DISP1: variants seen among roughly 807,000 people sequenced by gnomAD.
DISP1 encodes the protein protein dispatched homolog 1.
A neutral mutation model predicts 37.3 loss-of-function variants in DISP1; 30 were observed. That is an observed-to-expected ratio of 0.80 (90% CI 0.60 to 1.09). The LOEUF is 1.09. DISP1 is among the 50% of genes least tolerant of loss of function. The pLI is 0.00. For synonymous variants in DISP1, 634 were observed against 690.2 expected (o/e 0.92, Z 1.28); for missense variants, 1,598 against 1,879.5 (o/e 0.85, Z 2.77).
chr1:222,818,547 T>G (rs945389563), intron 1 of DISP1, among the ~76,000 whole-genome samples: 2 of 152,214 alleles, frequency 1.3e-5, no homozygotes, highest in African/African-American at 4.8e-5. Context: ...AAGAGATTTA[T>G]TTTAAGAAAT....
At chr1:222,823,973 T>C (rs1381030176) in intron 1 of DISP1, 1 of 151,956 alleles carries the variant, frequency 6.6e-6, no homozygotes, top group East Asian at 1.9e-4. Flanking sequence ...ACGTTTTTTC[T>C]CCCTCCAGGT....
chr1:222,969,606 G>A (rs1000247868), intron 3 of DISP1, among the ~76,000 whole-genome samples: 9 of 151,644 alleles, frequency 5.9e-5, no homozygotes, highest in African/African-American at 1.9e-4. Context: ...CAAATATAAT[G>A]GAACATGTGG....
intron 4 of DISP1, among the ~76,000 whole-genome samples, chr1:222,988,706 T>A (rs1252706238): frequency 1.4e-5 from 2 of 147,456 alleles, no homozygotes; most frequent in African/African-American, 5.0e-5. Flanking sequence ...CAGGCTGGAG[T>A]GCAGTGATAT....
rs1679645593 is a variant in DISP1, at chr1:223,003,552, T to C, written c.2155T>C (p.Tyr719His). 2 of 1,614,242 alleles carry C rather than the reference T, an allele frequency of 1.2e-6. No homozygotes were observed. Among genetic ancestry groups the C allele is most frequent in the Non-Finnish European group, 1.7e-6 (2 of 1,180,048 alleles). The change falls in exon 9 of 9, where the codon TAC (tyrosine) becomes CAC (histidine). Residue 719 changes from tyrosine (Y) to histidine (H), a missense_variant. Coordinates refer to ENST00000675850, the MANE Select transcript of DISP1 (RefSeq NM_001377229.1). This position sits in a 1 kb window ranked among gnomAD's most constrained non-coding sequence, Gnocchi z 4.3. The stretch of plus-strand genomic sequence containing the variant: ...GCCATGCATTGTCATTAAGTTTCGC[T>C]ACCTTTGGCTGTTTTGGTTCCTTGC... Reference protein sequence around the residue: ...VLPCIVIKFRYLWLFWFLALT... With the variant: ...VLPCIVIKFRHLWLFWFLALT...
intron 7 of DISP1, among the ~76,000 whole-genome samples, chr1:222,994,146 A>G (rs1357991789): frequency 1.3e-5 from 2 of 152,160 alleles, no homozygotes; most frequent in Non-Finnish European, 2.9e-5. Context: ...GCTATTTGAG[A>G]TAGATATTGC....
chr1:222,898,334 T>C (rs1245085470), intron 1 of DISP1, among the ~76,000 whole-genome samples: 2 of 152,124 alleles, frequency 1.3e-5, no homozygotes, highest in East Asian at 3.8e-4. Context: ...GGAACACAGT[T>C]ACTGAAGTAT....
intron 1 of DISP1, among the ~76,000 whole-genome samples, chr1:222,845,205 T>A (rs1323497895): frequency 1.3e-5 from 2 of 152,192 alleles, no homozygotes; most frequent in African/African-American, 2.4e-5. Flanking sequence ...TTAAAGAATA[T>A]TTAAATTAAT....
chr1:222,873,928 T>G (rs951837553), intron 1 of DISP1, among the ~76,000 whole-genome samples: 1 of 152,134 alleles, frequency 6.6e-6, no homozygotes, highest in Non-Finnish European at 1.5e-5. Flanking sequence ...TTCCTTTCCA[T>G]GTTTAGTGCT....
chr1:222,986,837 A>G (rs1002706922), intron 4 of DISP1, among the ~76,000 whole-genome samples: 3 of 152,160 alleles, frequency 2.0e-5, no homozygotes, highest in Non-Finnish European at 2.9e-5. Flanking sequence ...GAAAATGACT[A>G]CCTGCTGTAA....
At chr1:222,845,715 C>T (rs1010548101) in intron 1 of DISP1, among the ~76,000 whole-genome samples, 3 of 152,088 alleles carry the variant, frequency 2.0e-5, no homozygotes, top group Non-Finnish European at 1.5e-5. Context: ...TGTGTTTTGG[C>T]TCTATCTGTA....
intron 8 of DISP1, among the ~76,000 whole-genome samples, chr1:223,002,118 G>T (rs1679499365): frequency 1.3e-5 from 2 of 152,098 alleles, no homozygotes; most frequent in Non-Finnish European, 1.5e-5. Context: ...AACTAGCATT[G>T]GTTGAAGTTG....
chr1:222,963,582 G>T (rs1676225180), intron 3 of DISP1, among the ~76,000 whole-genome samples: 1 of 152,174 alleles, frequency 6.6e-6, no homozygotes, highest in Non-Finnish European at 1.5e-5. Context: ...ATACTATGCA[G>T]CCATTATAAG....
chr1:222,916,054 A>G (rs1672478662), intron 1 of DISP1, among the ~76,000 whole-genome samples: 1 of 152,194 alleles, frequency 6.6e-6, no homozygotes, highest in Non-Finnish European at 1.5e-5. Flanking sequence ...TTCACTTTAA[A>G]TATTTACCCT....
At chr1:222,944,679 C>A (rs1380572774) in intron 3 of DISP1, among the ~76,000 whole-genome samples, 4 of 152,308 alleles carry the variant, frequency 2.6e-5, no homozygotes, top group South Asian at 2.1e-4. Context: ...CTGCTGAGTT[C>A]TATTACTATA....
intron 3 of DISP1, among the ~76,000 whole-genome samples, chr1:222,953,455 C>G (rs2609378): frequency 0.84 from 128,003 of 152,146 alleles, 54,201 homozygotes; most frequent in Non-Finnish European, 0.89. Context: ...CTCACACCAT[C>G]AACCTATAGG....
chr1:222,910,156 G>C (rs1342525400), intron 1 of DISP1, among the ~76,000 whole-genome samples: 1 of 152,042 alleles, frequency 6.6e-6, no homozygotes, highest in Non-Finnish European at 1.5e-5. Flanking sequence ...TTGAGCGCAG[G>C]AGTTCAAGAC....
At chr1:222,862,161 C>T (rs1178997031) in intron 1 of DISP1, among the ~76,000 whole-genome samples, 2 of 152,112 alleles carry the variant, frequency 1.3e-5, no homozygotes, top group South Asian at 2.1e-4. Flanking sequence ...ATGAATTAAC[C>T]ATAGTGTTGC....
chr1:223,003,629 G>T lies in DISP1; in HGVS notation c.2232G>T (p.Leu744=). The T allele has an allele frequency of 6.2e-7, 1 of 1,614,168 alleles. No individual in the cohort carries two copies. The highest frequency in any genetic ancestry group is 1.3e-5 in the African/African-American group (1 of 75,040). The change falls in exon 9 of 9, where the codon CTG becomes CTT. Residue 744 remains leucine, a synonymous_variant. Coordinates refer to ENST00000675850, the MANE Select transcript of DISP1 (RefSeq NM_001377229.1). This position sits in a 1 kb window ranked among gnomAD's most constrained non-coding sequence, Gnocchi z 4.3. ...YIVCINPKMK[L]PSLELSEFQV... ...TATGTATAAATCCAAAGATGAAACT[G>T]CCCTCACTGGAGTTATCCGAGTTCC...
At chr1:222,895,960 T>G (rs1041817402) in intron 1 of DISP1, among the ~76,000 whole-genome samples, 3 of 152,166 alleles carry the variant, frequency 2.0e-5, no homozygotes, top group African/African-American at 7.2e-5. Context: ...GTTGATAAAT[T>G]GGACTTTATC....
Sources: allele counts gnomAD v4.1 joint callset (sites outside exome capture counted in the v4.1 genomes callset), GRCh38; gene constraint gnomAD v4.1.1; non-coding constraint Gnocchi (gnomAD v3.1); transcripts MANE v1.5; gene names NCBI Gene and HGNC (gene_info 2026-07-23, HGNC 2026-07-21).